DLGAP2: variants seen among roughly 807,000 people sequenced by gnomAD.
DLGAP2 encodes the protein DLG associated protein 2, also known as disks large-associated protein 2.
Under a neutral mutation model 100.3 loss-of-function variants are expected in DLGAP2, and 26 were observed. The ratio of observed to expected loss-of-function variants is 0.26; its 90% CI spans 0.19 to 0.36. The LOEUF is 0.36. Among genes scored for constraint, DLGAP2 ranks in the 10% least tolerant of loss-of-function variants. The pLI, the probability that DLGAP2 is intolerant of heterozygous loss-of-function variation, is 1.00. For synonymous variants in DLGAP2, 886 were observed against 630.1 expected (o/e 1.41, Z -6.08); for missense variants, 1,858 against 1,453.2 (o/e 1.28, Z -4.53).
intron 3 of DLGAP2, among the ~76,000 whole-genome samples, chr8:1,493,990 G>T (rs1425691558): frequency 6.6e-6 from 1 of 152,238 alleles, no homozygotes; most frequent in Non-Finnish European, 1.5e-5. Context: ...CCACGGAGGG[G>T]CTGGCCTGCC....
intron 1 of DLGAP2, chr8:739,449 G>C (rs1820426211): frequency 6.6e-6 from 1 of 152,246 alleles, no homozygotes; most frequent in Non-Finnish European, 1.5e-5. Context: ...CCTTCCCCCG[G>C]GTCGCGAAGC....
At chr8:1,701,000 T>C (rs1333230808) in intron 14 of DLGAP2, among the ~76,000 whole-genome samples, 188 bp from the exon 15 acceptor site, 1 of 152,118 alleles carries the variant, frequency 6.6e-6, no homozygotes, top group East Asian at 1.9e-4. Flanking sequence ...ACAAATCCCA[T>C]CCTGTGCAGA....
intron 2 of DLGAP2, among the ~76,000 whole-genome samples, chr8:1,046,646 G>A (rs1321200796): frequency 6.6e-6 from 1 of 152,140 alleles, no homozygotes; most frequent in Non-Finnish European, 1.5e-5. Context: ...TTGAAAAGGG[G>A]GATAAGTGAA....
chr8:1,677,576 A>ACG (rs1798840056), intron 11 of DLGAP2, among the ~76,000 whole-genome samples: 1 of 152,162 alleles, frequency 6.6e-6, no homozygotes, highest in African/African-American at 2.4e-5. Flanking sequence ...GTGCACACAC[A>ACG]CGCTCACAGT....
At chr8:1,412,875 C>A (rs572668596) in intron 3 of DLGAP2, among the ~76,000 whole-genome samples, 1 of 152,030 alleles carries the variant, frequency 6.6e-6, no homozygotes, top group African/African-American at 2.4e-5. Context: ...TACAGTGCCT[C>A]TCGCATGCTA....
rs370753166 is a variant in DLGAP2 at position 770,172 on chromosome 8, GCA to G, written c.18+32350_18+32351del. On this transcript the variant is annotated intron_variant, in intron 1 of 14. Transcript: ENST00000637795. ...CTATTTATTCAGATTCATTTGCACAGCACAGTGTTGCTACAATTTGCCTGGAG... is the reference window on the plus strand; with the variant it reads ...CTATTTATTCAGATTCATTTGCACAGCAGTGTTGCTACAATTTGCCTGGAG... Among the ~76,000 whole-genome samples the G allele has an allele frequency of 8.6e-4, 131 of 152,278 alleles. 1 individual carries two copies. In the Middle Eastern group the frequency reaches 0.01, roughly 12 times the overall value.
intron 4 of DLGAP2, among the ~76,000 whole-genome samples, chr8:1,539,500 G>A (rs1801278741): frequency 1.3e-5 from 2 of 152,136 alleles, no homozygotes; most frequent in South Asian, 2.1e-4. Context: ...TTTAACTTGT[G>A]CCTGGAGCCA....
intron 2 of DLGAP2, among the ~76,000 whole-genome samples, chr8:1,210,598 A>G (rs1285800965): frequency 6.6e-6 from 1 of 152,150 alleles, no homozygotes; most frequent in East Asian, 1.9e-4. Context: ...CAGGTGGGGT[A>G]TGGCATGGAG....
intron 1 of DLGAP2, among the ~76,000 whole-genome samples, chr8:841,735 C>A (rs376943648): frequency 6.6e-6 from 1 of 152,160 alleles, no homozygotes; most frequent in Non-Finnish European, 1.5e-5. Context: ...TGCCGCCCCC[C>A]ACACCCGGCA....
At position 1,460,483 on chromosome 8, in the gene DLGAP2, G is replaced by C. The variant is rs373591967; in HGVS notation, c.107-40883G>C. Among the ~76,000 whole-genome samples the C allele has an allele frequency of 5.9e-5, 9 of 152,292 alleles. No homozygotes were observed. In the East Asian group the frequency reaches 1.7e-3, roughly 29 times the overall value. Reference sequence around the variant, plus strand: ...CTTTACTGATGAAGCCAGCAGAGCAGGGGACGCCTCTCCTTCCCCTCTGTC... The same window carrying C: ...CTTTACTGATGAAGCCAGCAGAGCACGGGACGCCTCTCCTTCCCCTCTGTC... On this transcript the variant is annotated intron_variant, in intron 3 of 14. Coordinates refer to ENST00000637795, the MANE Select transcript of DLGAP2 (RefSeq NM_001346810.2).
chr8:813,000 G>T (rs989948912), intron 1 of DLGAP2, among the ~76,000 whole-genome samples: 1 of 152,200 alleles, frequency 6.6e-6, no homozygotes, highest in Admixed American at 6.5e-5. Context: ...TGTGTGTCGT[G>T]TAAGTGACAA....
At chr8:1,341,692 C>T (rs924608851) in intron 3 of DLGAP2, among the ~76,000 whole-genome samples, 2 of 152,310 alleles carry the variant, frequency 1.3e-5, no homozygotes, top group South Asian at 4.1e-4. Flanking sequence ...AGATGAGCCC[C>T]TGACCCTCTG....
intron 3 of DLGAP2, among the ~76,000 whole-genome samples, chr8:1,339,235 A>C (rs1801363994): frequency 6.6e-6 from 1 of 150,402 alleles, no homozygotes; most frequent in Non-Finnish European, 1.5e-5. Context: ...AGGACCCGGG[A>C]GGGAATGCAG....
chr8:1,566,064 C>T (rs1447018711), intron 6 of DLGAP2, among the ~76,000 whole-genome samples, 170 bp downstream of exon 6: 3 of 152,146 alleles, frequency 2.0e-5, no homozygotes, highest in African/African-American at 7.2e-5. Flanking sequence ...TAAAGAACAA[C>T]CAGAGCTTTT....
At chr8:1,002,373 C>T (rs1022891991) in intron 2 of DLGAP2, 4 of 152,276 alleles carry the variant, frequency 2.6e-5, no homozygotes, top group African/African-American at 7.2e-5. Flanking sequence ...ATGCATGCTG[C>T]AAAAACTGTT....
intron 4 of DLGAP2, among the ~76,000 whole-genome samples, chr8:1,510,195 T>C (rs1342920901): frequency 6.6e-6 from 1 of 152,168 alleles, no homozygotes; most frequent in Admixed American, 6.5e-5. Flanking sequence ...ATTTGTGATT[T>C]AGATGGAAAA....
chr8:975,596 GA>G (rs1386936722), intron 2 of DLGAP2, among the ~76,000 whole-genome samples: 20 of 152,262 alleles, frequency 1.3e-4, no homozygotes, highest in African/African-American at 4.8e-4. Context: ...CTCAACATCT[GA>G]AAATTGTAAT....
chr8:1,540,289 C>CT (rs1801318564), intron 4 of DLGAP2, among the ~76,000 whole-genome samples: 1 of 152,170 alleles, frequency 6.6e-6, no homozygotes, highest in Admixed American at 6.5e-5. Flanking sequence ...TGACGTTTGC[C>CT]TGTTTATCTG....
intron 4 of DLGAP2, among the ~76,000 whole-genome samples, chr8:1,544,044 A>G (rs1203217272): frequency 6.6e-6 from 1 of 152,028 alleles, no homozygotes; most frequent in East Asian, 1.9e-4. Flanking sequence ...CTGGGACTAC[A>G]TGTGCCTACT....
Sources: gnomAD v4.1 joint callset for allele counts (sites outside exome capture counted in the v4.1 genomes callset) on GRCh38, gnomAD v4.1.1 for gene constraint, MANE v1.5 for transcripts, NCBI Gene and HGNC (gene_info 2026-07-23, HGNC 2026-07-21) for gene names.